WDPCP: variants seen among roughly 807,000 people sequenced by gnomAD.
WDPCP encodes the protein WD repeat containing planar cell polarity effector, also known as WD repeat-containing and planar cell polarity effector protein fritz homolog.
A neutral mutation model predicts 93.1 loss-of-function variants in WDPCP; 71 were observed. That is an observed-to-expected ratio of 0.76 (90% confidence interval 0.63 to 0.93). The LOEUF is 0.93. WDPCP is among the 40% of genes least tolerant of loss of function. WDPCP has a pLI of 0.00. For missense variants in WDPCP, 844 were observed against 887.4 expected (o/e 0.95, Z 0.62); for synonymous variants, 315 against 315.0 (o/e 1.00, Z 0.00).
chr2:63,566,141 G>A (rs1707034459), intron 1 of WDPCP, among the ~76,000 whole-genome samples: 1 of 152,086 alleles, frequency 6.6e-6, no homozygotes, highest in Non-Finnish European at 1.5e-5. Context: ...ACTCTGATCT[G>A]TTTTTATACG....
intron 2 of WDPCP, among the ~76,000 whole-genome samples, chr2:63,804,457 G>A (rs975109658): frequency 2.0e-5 from 3 of 151,424 alleles, no homozygotes; most frequent in African/African-American, 7.3e-5. Context: ...GGGTTTCACC[G>A]TGTTACCCAG....
chr2:63,494,660 C>T, intron 1 of WDPCP, among the ~76,000 whole-genome samples: 1 of 151,654 alleles, frequency 6.6e-6, no homozygotes, highest in Non-Finnish European at 1.5e-5. Flanking sequence ...GTGGCTCATG[C>T]CTGTAATCCC....
chr2:63,335,176 T>C (rs1375387781), intron 12 of WDPCP, among the ~76,000 whole-genome samples: 1 of 152,172 alleles, frequency 6.6e-6, no homozygotes, highest in East Asian at 1.9e-4. Flanking sequence ...TTGCCTCTTA[T>C]CTACCCATGC....
intron 13 of WDPCP, among the ~76,000 whole-genome samples, chr2:63,272,183 T>C (rs1682714344): frequency 6.6e-6 from 1 of 152,176 alleles, no homozygotes; most frequent in Non-Finnish European, 1.5e-5. Flanking sequence ...AGCCTCACTA[T>C]ACCTTTCACT....
chr2:63,201,332 C>G (rs1252143658), intron 14 of WDPCP, among the ~76,000 whole-genome samples: 1 of 152,132 alleles, frequency 6.6e-6, no homozygotes, highest in Admixed American at 6.5e-5. Flanking sequence ...ATTACCCAGT[C>G]TCAGGAGGTA....
chr2:63,731,865 A>C (rs898166310), intron 2 of WDPCP, among the ~76,000 whole-genome samples: 1 of 152,226 alleles, frequency 6.6e-6, no homozygotes, highest in Non-Finnish European at 1.5e-5. Context: ...AAGATACCAA[A>C]GGAAGGTGAT....
intron 2 of WDPCP, among the ~76,000 whole-genome samples, chr2:63,671,443 C>T (rs1710346101): frequency 6.6e-6 from 1 of 152,162 alleles, no homozygotes; most frequent in African/African-American, 2.4e-5. Context: ...AACCTACCTT[C>T]TCTATCTCCT....
intron 15 of WDPCP, chr2:63,168,954 A>C (rs574632080): frequency 5.5e-4 from 84 of 152,176 alleles, no homozygotes; most frequent in African/African-American, 2.0e-3. Flanking sequence ...TTCTTTTCCT[A>C]GTTAACCTTT....
intron 14 of WDPCP, among the ~76,000 whole-genome samples, chr2:63,214,026 C>T (rs576544037): frequency 3.0e-4 from 46 of 152,234 alleles, no homozygotes; most frequent in African/African-American, 8.2e-4. Flanking sequence ...GATTCACAGC[C>T]GAATTCTACC....
chr2:63,520,368 AATT>A (rs1311231656), intron 1 of WDPCP, among the ~76,000 whole-genome samples: 1 of 152,186 alleles, frequency 6.6e-6, no homozygotes, highest in African/African-American at 2.4e-5. Context: ...CCAACATTCA[AATT>A]CAGAAAATGC....
intron 14 of WDPCP, among the ~76,000 whole-genome samples, chr2:63,258,800 A>C (rs1172720537): frequency 6.6e-6 from 1 of 152,172 alleles, no homozygotes; most frequent in Non-Finnish European, 1.5e-5. Flanking sequence ...ATGGACTTTC[A>C]AATTCATTCT....
intron 2 of WDPCP, among the ~76,000 whole-genome samples, chr2:63,719,205 G>T (rs981091018): frequency 2.0e-5 from 3 of 152,196 alleles, no homozygotes; most frequent in African/African-American, 7.2e-5. Flanking sequence ...CAGTACAAGA[G>T]GTGAGGACAG....
chr2:63,274,879 T>C (rs1261327414), intron 13 of WDPCP, among the ~76,000 whole-genome samples: 1 of 152,138 alleles, frequency 6.6e-6, no homozygotes, highest in Non-Finnish European at 1.5e-5. Context: ...AACTTAGAAA[T>C]GAATACCAAT....
At chr2:63,704,669 G>A (rs968522606) in intron 2 of WDPCP, among the ~76,000 whole-genome samples, 1 of 152,154 alleles carries the variant, frequency 6.6e-6, no homozygotes, top group Admixed American at 6.5e-5. Context: ...TGGTGGATAA[G>A]CTTTTTGATG....
chr2:63,606,850 A>G (rs768759156), intron 3 of WDPCP: 3 of 1,595,498 alleles, frequency 1.9e-6, no homozygotes, highest in East Asian at 4.5e-5. Context: ...TATTTGCATT[A>G]TTTTCAAACA....
intron 3 of WDPCP, among the ~76,000 whole-genome samples, chr2:63,636,635 A>T (rs1469061569): frequency 6.6e-6 from 1 of 152,134 alleles, no homozygotes; most frequent in Non-Finnish European, 1.5e-5. Flanking sequence ...CAGGGTCTCA[A>T]TATGTTGTCC....
chr2:63,247,860 T>C (rs765471892), intron 14 of WDPCP, among the ~76,000 whole-genome samples: 1 of 152,046 alleles, frequency 6.6e-6, no homozygotes, highest in Non-Finnish European at 1.5e-5. Context: ...CCTCCATTGC[T>C]GCCTTCTTTT....
chr2:63,182,887 T>G (rs565633467), intron 14 of WDPCP, among the ~76,000 whole-genome samples: 5 of 151,658 alleles, frequency 3.3e-5, no homozygotes, highest in Non-Finnish European at 4.4e-5. Flanking sequence ...GGTTTTATGT[T>G]TCCAGGAATT....
intron 2 of WDPCP, among the ~76,000 whole-genome samples, chr2:63,779,747 CAA>C (rs369566556): frequency 6.0e-4 from 91 of 152,212 alleles, no homozygotes; most frequent in African/African-American, 2.1e-3. Flanking sequence ...GCAGTTTCAC[CAA>C]AGTTTTTCAA....
Sources: allele counts gnomAD v4.1 joint callset (sites outside exome capture counted in the v4.1 genomes callset), GRCh38; gene constraint gnomAD v4.1.1; transcripts MANE v1.5; gene names NCBI Gene and HGNC (gene_info 2026-07-23, HGNC 2026-07-21).